NOC3L: variants seen among roughly 807,000 people sequenced by gnomAD.
The protein encoded by NOC3L is NOC3 like DNA replication regulator.
NOC3L carries 85 observed loss-of-function variants against 102.5 expected under a neutral mutation model. That is an observed-to-expected ratio of 0.83 (90% confidence interval 0.70 to 0.99). The LOEUF (loss-of-function observed/expected upper bound fraction) is 0.99, where lower values mean the gene tolerates loss of function less well. Among genes scored for constraint, NOC3L ranks in the 50% least tolerant of loss-of-function variants. NOC3L has a pLI of 0.00. For missense variants in NOC3L, 878 were observed against 914.9 expected, an observed-to-expected ratio of 0.96 and a Z score of 0.52; for synonymous variants, 303 against 309.4, an observed-to-expected ratio of 0.98 and a Z score of 0.22.
At chr10:94,317,543 A>C in the NOC3L span, among the ~76,000 whole-genome samples, 1 of 152,216 alleles carries the variant, frequency 6.6e-6, no homozygotes, top group Non-Finnish European at 1.5e-5. Context: ...GTAAAATAAT[A>C]ATATTTCTTT....
chr10:94,334,239 TG>T lies in NOC3L; in HGVS notation c.2340del (p.Ser781ValfsTer15), dbSNP rs1333246587. 1 of 1,611,560 alleles carries T rather than the reference TG, an allele frequency of 6.2e-7. No homozygotes were observed. Among genetic ancestry groups the T allele is most frequent in the East Asian group, 2.2e-5 (1 of 44,854 alleles). On this transcript the variant is annotated frameshift_variant, in exon 21 of 21. Coordinates refer to ENST00000371361, the MANE Select transcript of NOC3L (RefSeq NM_022451.11). LOFTEE classifies it low-confidence loss of function (END_TRUNC). ...EDLNQLIKRYSSEVATESPLD... is the reference protein window; with the variant it reads ...EDLNQLIKRYXSEVATESPLD... ...AGAGGCGATTCAGTAGCAACTTCAC[TG>T]GAGTATCTTTTGATTAGCTGATTTA...
chr10:94,355,208 T>G lies in NOC3L; in HGVS notation c.566-115A>C, dbSNP rs190180439. The G allele has an allele frequency of 6.2e-4, 520 of 842,644 alleles. 3 individuals carry two copies. The African/African-American group carries it at 7.8e-3, about 13-fold the overall frequency. 52.2% of individuals were successfully genotyped at this position (842,644 alleles called of 1,614,324 possible). On this transcript the variant is annotated intron_variant, in intron 5 of 20. Coordinates refer to ENST00000371361, the MANE Select transcript of NOC3L (RefSeq NM_022451.11). ...TGACAACAGCTAAGAATTTTGTATTTACTACTACACATCATCTCCTCAACA... is the reference window on the plus strand; with the variant it reads ...TGACAACAGCTAAGAATTTTGTATTGACTACTACACATCATCTCCTCAACA...
At chr10:94,347,081 A>C (rs2054353018) in intron 10 of NOC3L, among the ~76,000 whole-genome samples, 1 of 152,204 alleles carries the variant, frequency 6.6e-6, no homozygotes, top group Admixed American at 6.6e-5. Context: ...GTGATACAGC[A>C]AACTTCGCAT....
chr10:94,359,261 C>T (rs1026449877), intron 2 of NOC3L, among the ~76,000 whole-genome samples: 1 of 151,994 alleles, frequency 6.6e-6, no homozygotes, highest in African/African-American at 2.4e-5. Context: ...CCCATCTCTA[C>T]GAAAAATACA....
rs369085042 is a variant in NOC3L, at chr10:94,337,896, C to T, written c.2092-22G>A. The T allele has an allele frequency of 2.3e-5, 35 of 1,515,692 alleles. No individual in the cohort carries two copies. In the African/African-American group the frequency reaches 4.5e-4, roughly 20 times the overall value. 93.9% of individuals were successfully genotyped at this position (1,515,692 alleles called of 1,614,324 possible). On this transcript the variant is annotated intron_variant, in intron 18 of 20. Coordinates refer to ENST00000371361, the MANE Select transcript of NOC3L (RefSeq NM_022451.11). Reference sequence around the variant, plus strand: ...GCCTCTGAAGGGAAAACGGGACAATCACATTCTGCACAGGTCAGTCCTTTA... The same window carrying T: ...GCCTCTGAAGGGAAAACGGGACAATTACATTCTGCACAGGTCAGTCCTTTA...
intron 19 of NOC3L, among the ~76,000 whole-genome samples, chr10:94,336,046 G>A (rs1564907957): frequency 6.6e-6 from 1 of 152,114 alleles, no homozygotes; most frequent in Non-Finnish European, 1.5e-5. Context: ...TAAGCTTGTA[G>A]GAGTTATTTA....
At chr10:94,358,249 T>C (rs780311050) in intron 2 of NOC3L, 34 bp from the exon 3 acceptor site, 4 of 1,107,848 alleles carry the variant, frequency 3.6e-6, no homozygotes, top group Non-Finnish European at 5.4e-6. Flanking sequence ...AAAGAAAAAT[T>C]AGAAACAAGT....
At chr10:94,325,077 G>GTGAC in the NOC3L span, 1 of 1,613,960 alleles carries the variant, frequency 6.2e-7, no homozygotes, top group Non-Finnish European at 8.5e-7. Context: ...ATTACCGACA[G>GTGAC]TGACTAAGGG....
chr10:94,338,255 A>C (rs2054244584), intron 18 of NOC3L, among the ~76,000 whole-genome samples: 1 of 152,230 alleles, frequency 6.6e-6, no homozygotes, highest in Non-Finnish European at 1.5e-5. Flanking sequence ...ATCTTGAAAC[A>C]GGGCTTACTA....
the NOC3L span, among the ~76,000 whole-genome samples, chr10:94,316,320 A>T: frequency 6.6e-6 from 1 of 152,210 alleles, no homozygotes; most frequent in Admixed American, 6.5e-5. Flanking sequence ...GGGAAAAAAT[A>T]GTTATGCTGT....
rs1441416086 is a variant in NOC3L, at chr10:94,341,697, AACT to A, written c.1617_1619del (p.Val540del). ...CACCAGACTCAATGAGAGTATGAAG[AACT>A]ACTAACAGATCATCAAAAAATTCCA... On this transcript the variant is annotated inframe_deletion, in exon 14 of 21. Coordinates refer to ENST00000371361, the MANE Select transcript of NOC3L (RefSeq NM_022451.11). 1 of 1,558,070 alleles carries A rather than the reference AACT, an allele frequency of 6.4e-7. No homozygotes were observed. The highest frequency in any genetic ancestry group is 2.3e-5 in the East Asian group (1 of 43,124).
Position 94,355,113 on chromosome 10 carries a change from C to A in NOC3L, c.566-20G>T. On this transcript the variant is annotated intron_variant, in intron 5 of 20. Coordinates refer to ENST00000371361, the MANE Select transcript of NOC3L (RefSeq NM_022451.11). Reference sequence around the variant, plus strand: ...TGATCTCTAAAACAGATTAGATGTTCCCTTACATATTCCTCTGCTTACAAG... The same window carrying A: ...TGATCTCTAAAACAGATTAGATGTTACCTTACATATTCCTCTGCTTACAAG... 1 of 1,593,320 alleles carries A rather than the reference C, an allele frequency of 6.3e-7. No homozygotes were observed. The highest frequency in any genetic ancestry group is 1.1e-5 in the South Asian group (1 of 88,502).
chr10:94,362,778 A>G lies in NOC3L; in HGVS notation c.9+52T>C, dbSNP rs867258650. On this transcript the variant is annotated intron_variant, in intron 1 of 20. Transcript: ENST00000371361. ...AAAAGCTAACTCAGGCAGTGACTCT[A>G]TCACCCGAAGGGGCCCTAGGCCGCG... 4 of 1,605,624 alleles carry G rather than the reference A, an allele frequency of 2.5e-6. No individual in the cohort carries two copies. The Middle Eastern group carries it at 5.0e-4, about 199-fold the overall frequency.
At chr10:94,332,495 ATGTGTGTGCCTGTGTGTGTG>A (rs1463946593), downstream of NOC3L, 6 of 130,346 alleles carry the variant, frequency 4.6e-5, no homozygotes, top group Admixed American at 2.5e-4. Flanking sequence ...GCCTCAGGAT[ATGTGTGTGCCTGTGTGTGTG>A]TGTGTGTGTG....
intron 17 of NOC3L, among the ~76,000 whole-genome samples, chr10:94,339,000 C>G (rs2054252660): frequency 6.6e-6 from 1 of 152,134 alleles, no homozygotes; most frequent in African/African-American, 2.4e-5. Context: ...TGCAATCACA[C>G]TTTTAGAAAT....
At chr10:94,357,094 T>C in intron 4 of NOC3L, 80 bp downstream of exon 4, 1 of 1,110,400 alleles carries the variant, frequency 9.0e-7, no homozygotes, top group Non-Finnish European at 1.2e-6. Flanking sequence ...CAAAGTAAAA[T>C]TAAATTTTGA....
chr10:94,350,315 T>C (rs780817789), intron 8 of NOC3L, 27 bp from the exon 9 acceptor site: 6 of 1,604,462 alleles, frequency 3.7e-6, no homozygotes, highest in Middle Eastern at 1.7e-4. Flanking sequence ...TGTAGTTACT[T>C]TACTCATTGG....
the NOC3L span, among the ~76,000 whole-genome samples, chr10:94,319,864 C>CTTTTTTTTTTTTTTTTTTTTTTTT: frequency 2.2e-5 from 2 of 92,936 alleles, no homozygotes; most frequent in African/African-American, 7.5e-5. Context: ...CAAAGGTGCT[C>CTTTTTTTTTTTTTTTTTTTTTTTT]TTTTTTTTTT....
At chr10:94,328,779 T>G (rs546716641), downstream of NOC3L, 35 of 152,040 alleles carry the variant, frequency 2.3e-4, no homozygotes, top group African/African-American at 8.4e-4. Flanking sequence ...TAATATTGGG[T>G]TTTTTTTAAG....
Sources: gnomAD v4.1 joint callset for allele counts (sites outside exome capture counted in the v4.1 genomes callset) on GRCh38, gnomAD v4.1.1 for gene constraint, MANE v1.5 for transcripts, NCBI Gene and HGNC (gene_info 2026-07-23, HGNC 2026-07-21) for gene names.